ELFN2: variants seen among roughly 807,000 people sequenced by gnomAD.
ELFN2 encodes the protein protein phosphatase 1 regulatory subunit 29.
ELFN2 carries 17 observed loss-of-function variants against 45.5 expected under a neutral mutation model. That is an observed-to-expected ratio of 0.37 (90% CI 0.26 to 0.56). The LOEUF is 0.56. Ranked by LOEUF, ELFN2 falls within the 20% of genes least tolerant of loss-of-function variation. The probability of loss-of-function intolerance (pLI) is 0.77; values close to 1 mark genes in which losing one functional copy is unlikely to be tolerated. For missense variants in ELFN2, 922 were observed against 1,183.2 expected, an observed-to-expected ratio of 0.78 and a Z score of 3.24; for synonymous variants, 550 against 551.5, an observed-to-expected ratio of 1.00 and a Z score of 0.04.
intron 2 of ELFN2, among the ~76,000 whole-genome samples, chr22:37,404,284 G>A (rs1026488695): frequency 1.3e-5 from 2 of 152,202 alleles, no homozygotes; most frequent in Non-Finnish European, 2.9e-5. Flanking sequence ...CCTGTGAGGA[G>A]GCTGCAACGA....
chr22:37,341,899 G>T (rs1317941827), intron 2 of ELFN2, among the ~76,000 whole-genome samples: 1 of 152,160 alleles, frequency 6.6e-6, no homozygotes, highest in African/African-American at 2.4e-5. Flanking sequence ...CCCACAGGCA[G>T]GTCGCTACCA....
chr22:37,401,067 C>T (rs1014366007), intron 2 of ELFN2, among the ~76,000 whole-genome samples: 4 of 152,234 alleles, frequency 2.6e-5, no homozygotes, highest in African/African-American at 9.6e-5. Context: ...GGGAGTCAGT[C>T]AAACAGGGTA....
chr22:37,395,454 C>G (rs1043238844), intron 2 of ELFN2, among the ~76,000 whole-genome samples: 3 of 152,316 alleles, frequency 2.0e-5, no homozygotes, highest in African/African-American at 7.2e-5. Flanking sequence ...GCAGTGAAGC[C>G]ACTTCCCAAA....
chr22:37,407,324 G>A (rs1236187853), intron 2 of ELFN2, among the ~76,000 whole-genome samples: 1 of 152,136 alleles, frequency 6.6e-6, no homozygotes, highest in Non-Finnish European at 1.5e-5. Flanking sequence ...TGACCACAGG[G>A]CCACTTATTC....
At chr22:37,389,777 G>A (rs1424909325) in intron 2 of ELFN2, among the ~76,000 whole-genome samples, 1 of 152,118 alleles carries the variant, frequency 6.6e-6, no homozygotes, top group Non-Finnish European at 1.5e-5. Context: ...AGCTACCTGA[G>A]GACAGGACCC....
intron 1 of ELFN2, among the ~76,000 whole-genome samples, chr22:37,425,001 C>T (rs1405829300): frequency 6.6e-6 from 1 of 152,114 alleles, no homozygotes; most frequent in African/African-American, 2.4e-5. Flanking sequence ...TAACCCCTCA[C>T]CCCATGTTAC....
chr22:37,423,200 C>G (rs1173000058), intron 1 of ELFN2, among the ~76,000 whole-genome samples: 1 of 152,130 alleles, frequency 6.6e-6, no homozygotes, highest in Non-Finnish European at 1.5e-5. Flanking sequence ...AAAGGGCTGC[C>G]TTTGGGGGTG....
At chr22:37,393,308 T>C (rs1932129634) in intron 2 of ELFN2, among the ~76,000 whole-genome samples, 1 of 152,232 alleles carries the variant, frequency 6.6e-6, no homozygotes, top group Non-Finnish European at 1.5e-5. Flanking sequence ...CTCTGGAGGT[T>C]TCCTTATGCT....
At chr22:37,392,489 TG>T (rs1356754483) in intron 2 of ELFN2, among the ~76,000 whole-genome samples, 1 of 152,006 alleles carries the variant, frequency 6.6e-6, no homozygotes, top group East Asian at 1.9e-4. Flanking sequence ...AGCTAATTTT[TG>T]TGTATTTTTA....
chr22:37,344,390 C>A (rs927159463), intron 1 of ELFN2, among the ~76,000 whole-genome samples: 32 of 151,896 alleles, frequency 2.1e-4, no homozygotes, highest in Non-Finnish European at 8.8e-5. Flanking sequence ...CACCCAGGAG[C>A]CCTGACCCCA....
intron 2 of ELFN2, among the ~76,000 whole-genome samples, chr22:37,405,765 CT>C (rs568035845): frequency 2.9e-4 from 44 of 150,802 alleles, no homozygotes; most frequent in African/African-American, 9.8e-4. Context: ...CCTCTCCGAA[CT>C]GTGTGACCTT....
chr22:37,412,322 A>C (rs917523391), intron 2 of ELFN2, among the ~76,000 whole-genome samples: 2 of 151,804 alleles, frequency 1.3e-5, no homozygotes, highest in South Asian at 2.1e-4. Context: ...AAAAAGAAAG[A>C]AAGCAAACTG....
At chr22:37,403,608 G>A (rs576200807) in intron 2 of ELFN2, among the ~76,000 whole-genome samples, 13 of 152,120 alleles carry the variant, frequency 8.5e-5, no homozygotes, top group African/African-American at 2.9e-4. Flanking sequence ...GGGGTCTAGC[G>A]AGGGGCTGAC....
chr22:37,411,305 C>T (rs1932644149), intron 2 of ELFN2, among the ~76,000 whole-genome samples: 1 of 152,164 alleles, frequency 6.6e-6, no homozygotes, highest in African/African-American at 2.4e-5. Flanking sequence ...AAGGCCTCAC[C>T]CCAGAAGCGC....
At chr22:37,392,777 T>C (rs1353545705) in intron 2 of ELFN2, among the ~76,000 whole-genome samples, 2 of 152,216 alleles carry the variant, frequency 1.3e-5, no homozygotes, top group Non-Finnish European at 2.9e-5. Flanking sequence ...TCTCAGTGGC[T>C]GCTAGAGACC....
downstream of ELFN2, among the ~76,000 whole-genome samples, chr22:37,366,700 C>A (rs1455753354): frequency 6.6e-6 from 1 of 152,222 alleles, no homozygotes; most frequent in Non-Finnish European, 1.5e-5. Context: ...TGTGTCCCAC[C>A]GTCCTCCTCC....
intron 1 of ELFN2, among the ~76,000 whole-genome samples, chr22:37,344,241 C>CCTGCCCACACCCAG (rs1281174079): frequency 1.3e-5 from 2 of 148,748 alleles, no homozygotes; most frequent in African/African-American, 5.0e-5. Context: ...CCCATGCCCA[C>CCTGCCCACACCCAG]CTGCCCACAC....
chr22:37,409,771 C>T (rs995039055), intron 2 of ELFN2, among the ~76,000 whole-genome samples: 7 of 152,180 alleles, frequency 4.6e-5, no homozygotes, highest in Admixed American at 1.3e-4. Context: ...CAGGTCCCGC[C>T]GCACCCCTGA....
intron 2 of ELFN2, among the ~76,000 whole-genome samples, chr22:37,379,630 A>G (rs1342498494): frequency 6.6e-6 from 1 of 152,190 alleles, no homozygotes; most frequent in Non-Finnish European, 1.5e-5. Context: ...TGCAGGCTGC[A>G]TGCTGTAGGA....
Sources: allele counts gnomAD v4.1 joint callset (sites outside exome capture counted in the v4.1 genomes callset), GRCh38; gene constraint gnomAD v4.1.1; transcripts MANE v1.5; gene names NCBI Gene and HGNC (gene_info 2026-07-23, HGNC 2026-07-21).